TTC39B: variants seen among roughly 807,000 people sequenced by gnomAD.
The protein encoded by TTC39B is tetratricopeptide repeat protein 39B.
In TTC39B, 92 loss-of-function variants were observed where a neutral mutation model predicts 96.6. The observed-to-expected ratio is 0.95, with a 90% CI of 0.80 to 1.13. The LOEUF (loss-of-function observed/expected upper bound fraction) is 1.13, where lower values mean the gene tolerates loss of function less well. TTC39B is among the 50% of genes most tolerant of loss of function. The probability of loss-of-function intolerance (pLI) is 0.00; values close to 1 mark genes in which losing one functional copy is unlikely to be tolerated. For missense variants in TTC39B, 955 were observed against 809.3 expected, an observed-to-expected ratio of 1.18 and a Z score of -2.18; for synonymous variants, 367 against 299.4, an observed-to-expected ratio of 1.23 and a Z score of -2.33.
At chr9:15,209,678 C>T (rs962388217) in intron 6 of TTC39B, among the ~76,000 whole-genome samples, 3 of 152,012 alleles carry the variant, frequency 2.0e-5, no homozygotes, top group Admixed American at 2.0e-4. Flanking sequence ...TTATTCATAT[C>T]AGTGAAAAAA....
intron 17 of TTC39B, among the ~76,000 whole-genome samples, chr9:15,178,917 C>A (rs147376682): frequency 4.9e-4 from 75 of 152,290 alleles, no homozygotes; most frequent in African/African-American, 1.7e-3. Context: ...ATGTTTACAA[C>A]TTATCAATTC....
chr9:15,238,150 C>T (rs891896633), intron 2 of TTC39B, among the ~76,000 whole-genome samples: 1 of 152,074 alleles, frequency 6.6e-6, no homozygotes, highest in African/African-American at 2.4e-5. Context: ...AACCCACAGC[C>T]AACATCATAT....
chr9:15,211,221 T>A (rs765767413), intron 5 of TTC39B, 45 bp downstream of exon 5: 9 of 1,407,060 alleles, frequency 6.4e-6, no homozygotes, highest in African/African-American at 1.5e-5. Flanking sequence ...CACACAGGCA[T>A]AAAAGTTTGC....
intron 1 of TTC39B, among the ~76,000 whole-genome samples, chr9:15,295,678 T>C (rs1411945312): frequency 1.3e-5 from 2 of 152,224 alleles, no homozygotes; most frequent in Non-Finnish European, 2.9e-5. Flanking sequence ...AGTAGTACCT[T>C]CTATGTGTCA....
intron 2 of TTC39B, among the ~76,000 whole-genome samples, chr9:15,236,288 A>T (rs902952156): frequency 6.6e-6 from 1 of 152,232 alleles, no homozygotes; most frequent in African/African-American, 2.4e-5. Context: ...CTAAATATAC[A>T]TGCAACCAAT....
chr9:15,228,719 A>G (rs2131415553), intron 2 of TTC39B, among the ~76,000 whole-genome samples: 1 of 152,334 alleles, frequency 6.6e-6, no homozygotes, highest in South Asian at 2.1e-4. Context: ...CTTGTGTTCT[A>G]ATGATATTCA....
intron 17 of TTC39B, among the ~76,000 whole-genome samples, chr9:15,181,475 C>A (rs1440612111): frequency 6.6e-6 from 1 of 152,154 alleles, no homozygotes; most frequent in Non-Finnish European, 1.5e-5. Flanking sequence ...CAACACTCCT[C>A]CCACTTCACG....
At position 15,189,771 on chromosome 9, in the gene TTC39B, G is replaced by A. The variant is rs143112996; in HGVS notation, c.1127C>T (p.Ala376Val). 180 of 1,612,192 alleles carry A rather than the reference G, an allele frequency of 1.1e-4. No homozygotes were observed. The highest frequency in any genetic ancestry group is 4.5e-4 in the African/African-American group (34 of 74,976). Residue 376 changes from alanine to valine, a missense_variant, in exon 12 of 20, where the codon GCG becomes GTG. Ala to Val is a moderately conservative substitution (Grantham distance 64, BLOSUM62 0). Coordinates refer to ENST00000512701, the Ensembl canonical transcript of TTC39B. ...GGGTGCCAGGAGACGCTCTGCTTCC[G>A]CAACATTCACTTCTCCTGTACCTAG...
chr9:15,260,800 G>T (rs933196045), intron 2 of TTC39B, among the ~76,000 whole-genome samples: 3 of 145,438 alleles, frequency 2.1e-5, no homozygotes, highest in Non-Finnish European at 4.4e-5. Context: ...TATTTCTATT[G>T]TAAGCTTCTA....
chr9:15,267,615 C>T (rs996394473), intron 2 of TTC39B, among the ~76,000 whole-genome samples: 6 of 152,066 alleles, frequency 3.9e-5, no homozygotes, highest in African/African-American at 1.4e-4. Context: ...CAAAAATCTA[C>T]AAAATGAGAC....
chr9:15,285,728 G>A (rs532098674), intron 1 of TTC39B, among the ~76,000 whole-genome samples: 12 of 151,974 alleles, frequency 7.9e-5, no homozygotes, highest in African/African-American at 1.7e-4. Flanking sequence ...GGTGGCGGGC[G>A]CCTGTAGTCC....
In TTC39B at chr9:15,171,955, T is replaced by C. The variant is rs1323843337; in HGVS notation, c.*64A>G. The C allele has an allele frequency of 1.6e-5, 20 of 1,250,678 alleles. No individual in the cohort carries two copies. In the Admixed American group the frequency reaches 3.9e-4, roughly 25 times the overall value. The allele number at this position is 1,250,678 out of a possible 1,614,324, so 77.5% of individuals were successfully genotyped here. A position where few individuals can be genotyped will look rare whatever the true frequency, so the allele number is the denominator to read the frequency against. ...ACAAGATCATTTTTCCACTTTAATA[T>C]AAGGTTGAATCTATAGCAGATGCCG... On this transcript the variant is annotated 3_prime_UTR_variant, in exon 20 of 20. Transcript: ENST00000512701.
intron 1 of TTC39B, among the ~76,000 whole-genome samples, chr9:15,296,238 T>C (rs1429863146): frequency 6.6e-6 from 1 of 152,150 alleles, no homozygotes; most frequent in Non-Finnish European, 1.5e-5. Flanking sequence ...AGTCCGAAGG[T>C]AAAAGTCTAT....
chr9:15,187,012 T>G, exon 15 of TTC39B: 2 of 1,613,220 alleles, frequency 1.2e-6, no homozygotes, highest in Non-Finnish European at 1.7e-6. Flanking sequence ...TCAAAATTGC[T>G]GCTTTCAAGA....
intron 8 of TTC39B, among the ~76,000 whole-genome samples, chr9:15,195,697 C>A (rs971600909): frequency 3.6e-5 from 5 of 139,930 alleles, no homozygotes; most frequent in African/African-American, 1.3e-4. Context: ...AAAAAAAGTG[C>A]TAAGTGAAGC....
At chr9:15,176,698 A>C (rs760199316) in intron 18 of TTC39B, among the ~76,000 whole-genome samples, 4 of 152,198 alleles carry the variant, frequency 2.6e-5, no homozygotes, top group Non-Finnish European at 4.4e-5. Context: ...TTGGGCCCAC[A>C]CTGTGCAAAG....
chr9:15,264,212 G>A (rs930917540), intron 2 of TTC39B, among the ~76,000 whole-genome samples: 1 of 151,834 alleles, frequency 6.6e-6, no homozygotes, highest in Non-Finnish European at 1.5e-5. Context: ...CACATGAAGG[G>A]GTTTCTCTAG....
intron 2 of TTC39B, among the ~76,000 whole-genome samples, chr9:15,233,333 T>G (rs111980100): frequency 1.3e-5 from 2 of 148,626 alleles, no homozygotes; most frequent in African/African-American, 2.6e-5. Flanking sequence ...CCTCGCCCTC[T>G]CCCTCTCCCT....
rs774690920 is a variant in TTC39B at position 15,186,955 on chromosome 9, T to C, written c.1476A>G (p.Val492=). ...AGTGTCTCACATACCTGAATAAAGT[T>C]ACCACATTCTCATTCGTTGCTACTA... The change falls in exon 15 of 20, where the codon GTA becomes GTG. Residue 492 remains valine, a synonymous_variant. Coordinates refer to ENST00000512701, the Ensembl canonical transcript of TTC39B. The C allele has an allele frequency of 8.7e-5, 140 of 1,613,714 alleles. No individual in the cohort carries two copies. The South Asian group carries it at 1.0e-3, about 12-fold the overall frequency.
Sources: gnomAD v4.1 joint callset for allele counts (sites outside exome capture counted in the v4.1 genomes callset) on GRCh38, gnomAD v4.1.1 for gene constraint, MANE v1.5 for transcripts, NCBI Gene and HGNC (gene_info 2026-07-23, HGNC 2026-07-21) for gene names.